Variants in TOP2A observed in about 807,000 individuals in gnomAD.
TOP2A encodes DNA topoisomerase 2-alpha.
In TOP2A, 68 loss-of-function variants were observed where a neutral mutation model predicts 187.2. That is an observed-to-expected ratio of 0.36 (90% CI 0.30 to 0.44). The LOEUF (loss-of-function observed/expected upper bound fraction) is 0.44. Ranked by LOEUF, TOP2A falls within the 20% of genes least tolerant of loss-of-function variation. The probability of loss-of-function intolerance (pLI) is 1.00; values close to 1 mark genes in which losing one functional copy is unlikely to be tolerated. For missense variants in TOP2A, 1,196 were observed against 1,808.7 expected (o/e 0.66, Z 6.14); for synonymous variants, 542 against 593.2 (o/e 0.91, Z 1.25).
At chr17:40,396,869 A>G (rs1486203637) in intron 27 of TOP2A, among the ~76,000 whole-genome samples, 1 of 152,124 alleles carries the variant, frequency 6.6e-6, no homozygotes, top group Non-Finnish European at 1.5e-5. Context: ...TGTTAAATTT[A>G]AGAAATAAAG....
intron 4 of TOP2A, among the ~76,000 whole-genome samples, chr17:40,414,805 G>A (rs539654585): frequency 1.4e-5 from 2 of 142,014 alleles, no homozygotes; most frequent in African/African-American, 2.6e-5. Context: ...GCGGTGAGCC[G>A]AGATCATGCC....
intron 32 of TOP2A, chr17:40,391,857 T>C: frequency 1.3e-6 from 1 of 763,590 alleles, no homozygotes; most frequent in Non-Finnish European, 2.0e-6. Context: ...GCAAAGTACC[T>C]GGCAAGCACT....
intron 29 of TOP2A, among the ~76,000 whole-genome samples, chr17:40,393,477 C>G (rs2035051464): frequency 6.6e-6 from 1 of 152,038 alleles, no homozygotes; most frequent in African/African-American, 2.4e-5. Flanking sequence ...CAAGACCAGC[C>G]TGGGCAAGAG....
chr17:40,406,607 T>C lies in TOP2A; in HGVS notation c.1820A>G (p.Lys607Arg). The C allele has an allele frequency of 6.2e-7, 1 of 1,611,910 alleles. No homozygotes were observed. The highest frequency in any genetic ancestry group is 8.5e-7 in the Non-Finnish European group (1 of 1,179,286). The change falls in exon 15 of 35, where the codon AAA (lysine) becomes AGA (arginine). Residue 607 changes from lysine to arginine, a missense_variant. Physicochemically the swap from Lys to Arg is conservative, Grantham distance 26. Coordinates refer to ENST00000423485, the MANE Select transcript of TOP2A (RefSeq NM_001067.4). ...ACCTTTGTAATATTTGACTTTCCAT[T>C]TTTTATGATTTGGAGTAGAACTCTT... ...EWKSSTPNHK[K>R]WKVKYYKGLG...
chr17:40,391,772 T>G, intron 32 of TOP2A, 132 bp from the exon 33 acceptor site: 1 of 1,054,984 alleles, frequency 9.5e-7, no homozygotes. Flanking sequence ...TAAAACATAC[T>G]CTTAAAACTT....
At chr17:40,394,817 C>T (rs1399847579) in intron 29 of TOP2A, among the ~76,000 whole-genome samples, 2 of 152,184 alleles carry the variant, frequency 1.3e-5, no homozygotes, top group African/African-American at 4.8e-5. Flanking sequence ...ACAAACATTA[C>T]TAATATGTAG....
At chr17:40,416,705 A>G in intron 2 of TOP2A, 35 bp downstream of exon 2, 2 of 1,597,496 alleles carry the variant, frequency 1.3e-6, no homozygotes, top group Non-Finnish European at 1.7e-6. Context: ...CATTTCAACT[A>G]CTAGGTTAAC....
chr17:40,390,075 G>C lies in TOP2A; in HGVS notation c.4357C>G (p.Gln1453Glu). The C allele has an allele frequency of 6.2e-7, 1 of 1,613,856 alleles. No homozygotes were observed. The highest frequency in any genetic ancestry group is 8.5e-7 in the Non-Finnish European group (1 of 1,179,828). Residue 1453 changes from glutamine (Q) to glutamate (E), a missense_variant, in exon 34 of 35, where the codon CAA becomes GAA. Physicochemically the swap from Gln to Glu is conservative, Grantham distance 29. This residue lies in a region of TOP2A where 374 missense variants were observed against 403.3 expected (regional missense o/e 0.93). Coordinates refer to ENST00000423485, the MANE Select transcript of TOP2A (RefSeq NM_001067.4). Reference sequence around the variant, plus strand: ...TTGGTTTTGGCAGGATCAGGCTTTTGAGAGACACCAGAATTCAAAGCTGGA... The same window carrying C: ...TTGGTTTTGGCAGGATCAGGCTTTTCAGAGACACCAGAATTCAAAGCTGGA... ...RDPALNSGVS[Q>E]KPDPAKTKNR...
chr17:40,391,413 A>G (rs1379734163), intron 33 of TOP2A, 93 bp downstream of exon 33: 1 of 1,238,668 alleles, frequency 8.1e-7, no homozygotes, highest in East Asian at 2.5e-5. Context: ...TGTAATATCA[A>G]TAGTAAGTTT....
intron 1 of TOP2A, chr17:40,417,494 C>T (rs2035406932): frequency 2.9e-6 from 4 of 1,368,726 alleles, no homozygotes; most frequent in Non-Finnish European, 3.8e-6. Context: ...GCACCCGGGC[C>T]GCTGTAACAT....
At chr17:40,394,985 C>T (rs1013216347) in intron 29 of TOP2A, among the ~76,000 whole-genome samples, 1 of 152,046 alleles carries the variant, frequency 6.6e-6, no homozygotes, top group Non-Finnish European at 1.5e-5. Flanking sequence ...ATCCCAAGGA[C>T]GATATTAAAG....
chr17:40,416,950 C>T lies in TOP2A; in HGVS notation c.22-55G>A. 2.8e-6 allele frequency: 4 copies of T among 1,453,984 alleles called. 1 individual carries two copies. In the South Asian group the frequency reaches 5.3e-5, roughly 19 times the overall value. The allele number at this position is 1,453,984 out of a possible 1,614,324, so 90.1% of individuals were successfully genotyped here. ...GGGAATTTTTAATCATAAGTTTACC[C>T]TAAACTAGGAACAAAATGCCTACCA... is the stretch of plus-strand genomic sequence containing the variant. On this transcript the variant is annotated intron_variant, in intron 1 of 34. Transcript: ENST00000423485.
chr17:40,399,506 CTTTT>C (rs75225181), intron 24 of TOP2A, among the ~76,000 whole-genome samples: 1 of 144,310 alleles, frequency 6.9e-6, no homozygotes, highest in African/African-American at 2.5e-5. Context: ...ATCTTCCTGC[CTTTT>C]TTTTTTTTTA....
intron 30 of TOP2A, 34 bp downstream of exon 30, chr17:40,392,551 C>T (rs1350399380): frequency 6.3e-7 from 1 of 1,589,210 alleles, no homozygotes; most frequent in South Asian, 1.2e-5. Flanking sequence ...TCCACTCTTA[C>T]AGTTTATCTA....
chr17:40,396,511 A>AC, intron 27 of TOP2A, 46 bp from the exon 28 acceptor site: 3 of 1,581,848 alleles, frequency 1.9e-6, no homozygotes, highest in Non-Finnish European at 2.6e-6. Flanking sequence ...TAACAAAAAC[A>AC]TTACAATATC....
At chr17:40,390,201 T>C (rs1383096722) in intron 33 of TOP2A, 37 bp from the exon 34 acceptor site, 1 of 1,556,616 alleles carries the variant, frequency 6.4e-7, no homozygotes, top group African/African-American at 1.4e-5. Flanking sequence ...CAGCTGCTCT[T>C]TTTTTGAGAT....
rs2143700256 is a variant in TOP2A, at chr17:40,417,870, C to T, written c.-79G>A. The T allele has an allele frequency of 1.3e-6, 2 of 1,592,140 alleles. No individual in the cohort carries two copies. The highest frequency in any genetic ancestry group is 1.7e-6 in the Non-Finnish European group (2 of 1,165,962). On this transcript the variant is annotated 5_prime_UTR_variant, in exon 1 of 35. Coordinates refer to ENST00000423485, the MANE Select transcript of TOP2A (RefSeq NM_001067.4). ...CCCCACGAGACCACCCCCGACCAAG[C>T]CGCTTCTCCACAGACGCGCGTCGGT...
chr17:40,409,951 G>A, intron 10 of TOP2A: 1 of 179,030 alleles, frequency 5.6e-6, no homozygotes, highest in Non-Finnish European at 1.2e-5. Flanking sequence ...AGCCAGGCAT[G>A]GTGATGCATG....
intron 1 of TOP2A, 81 bp downstream of exon 1, chr17:40,417,690 G>A (rs2035409703): frequency 1.2e-6 from 2 of 1,601,278 alleles, no homozygotes; most frequent in African/African-American, 1.3e-5. Context: ...CGCAGCCCCA[G>A]AGCTTCACCC....
Sources: allele counts gnomAD v4.1 joint callset (sites outside exome capture counted in the v4.1 genomes callset), GRCh38; gene constraint gnomAD v4.1.1; regional missense constraint gnomAD v4.1.1; transcripts MANE v1.5; gene names NCBI Gene and HGNC (gene_info 2026-07-23, HGNC 2026-07-21).